FREM2: variants seen among roughly 807,000 people sequenced by gnomAD.
The protein encoded by FREM2 is FRAS1-related extracellular matrix protein 2.
FREM2 carries 119 observed loss-of-function variants against 219.9 expected under a neutral mutation model. The observed-to-expected ratio is 0.54, with a 90% CI of 0.47 to 0.63. The LOEUF (loss-of-function observed/expected upper bound fraction) is 0.63. Ranked by LOEUF, FREM2 falls within the 30% of genes least tolerant of loss-of-function variation. FREM2 has a pLI of 0.00. For missense variants in FREM2, 4,030 were observed against 3,993.6 expected, an observed-to-expected ratio of 1.01 and a Z score of -0.25; for synonymous variants, 1,562 against 1,522.8, an observed-to-expected ratio of 1.03 and a Z score of -0.60.
chr13:38,824,824 C>A (rs570328764), intron 6 of FREM2, among the ~76,000 whole-genome samples: 1 of 151,982 alleles, frequency 6.6e-6, no homozygotes, highest in African/African-American at 2.4e-5. Context: ...AATTCAGACT[C>A]CTCTCCTCCT....
chr13:38,692,568 C>T, intron 1 of FREM2, 51 bp downstream of exon 1: 2 of 1,587,040 alleles, frequency 1.3e-6, no homozygotes, highest in Non-Finnish European at 1.7e-6. Context: ...GAGAATGTGG[C>T]TTCACTAAAA....
intron 2 of FREM2, among the ~76,000 whole-genome samples, chr13:38,755,058 A>G (rs1872939967): frequency 6.6e-6 from 1 of 151,822 alleles, no homozygotes; most frequent in Admixed American, 6.6e-5. Context: ...AGGCACCATC[A>G]CACCCGGCTA....
chr13:38,794,256 T>C (rs573614421), intron 6 of FREM2, among the ~76,000 whole-genome samples: 108 of 152,224 alleles, frequency 7.1e-4, no homozygotes, highest in African/African-American at 2.6e-3. Context: ...AGATGACAAA[T>C]GATAAATAGA....
chr13:38,877,264 G>A, intron 21 of FREM2, 21 bp downstream of exon 21: 1 of 1,613,000 alleles, frequency 6.2e-7, no homozygotes, highest in South Asian at 1.1e-5. Flanking sequence ...ACAAATGAGA[G>A]GGATGCTCTG....
rs1453318915 is a variant in FREM2 at position 38,884,793 on chromosome 13, A to G, written c.*4006A>G. The G allele has an allele frequency of 2.0e-5, 3 of 152,244 alleles. No individual in the cohort carries two copies. The East Asian group carries it at 5.8e-4, about 29-fold the overall frequency. The allele number at this position is 152,244 out of a possible 1,614,324, so 9.4% of individuals were successfully genotyped here. On this transcript the variant is annotated 3_prime_UTR_variant, in exon 24 of 24. Transcript: ENST00000280481. Reference sequence around the variant, plus strand: ...CCACACATACACACACACAGACATAAAATAACCAAACATCTCATTTCTAGG... The same window carrying G: ...CCACACATACACACACACAGACATAGAATAACCAAACATCTCATTTCTAGG...
chr13:38,792,745 C>A (rs1343809090), intron 6 of FREM2, among the ~76,000 whole-genome samples: 1 of 148,352 alleles, frequency 6.7e-6, no homozygotes, highest in Admixed American at 6.8e-5. Context: ...AATATTCACT[C>A]ATTTATGCAA....
At chr13:38,740,345 TA>T (rs1872193063) in intron 2 of FREM2, among the ~76,000 whole-genome samples, 3 of 152,120 alleles carry the variant, frequency 2.0e-5, no homozygotes, top group Admixed American at 1.3e-4. Flanking sequence ...AGGGAAAAAA[TA>T]AGAAAGTGAT....
At position 38,780,363 on chromosome 13, in the gene FREM2, A is replaced by G. The variant is rs1874070381; in HGVS notation, c.5642-2707A>G. On this transcript the variant is annotated intron_variant, in intron 4 of 23. Coordinates refer to ENST00000280481, the MANE Select transcript of FREM2 (RefSeq NM_207361.6). ...CACACCTGGTCCGTCAGAAAACTCA[A>G]ATAGCTCTACCTTTATATTCCGGCA... 2.6e-5 allele frequency among the ~76,000 whole-genome samples: 4 copies of G among 152,106 alleles called. No individual in the cohort carries two copies. The South Asian group carries it at 8.3e-4, about 32-fold the overall frequency.
rs574967663 is a variant in FREM2, at chr13:38,851,830, C to T, written c.6887C>T (p.Ser2296Leu). The change falls in exon 11 of 24, where the codon TCG (serine) becomes TTG (leucine). Residue 2296 changes from serine (S) to leucine (L), a missense_variant. Around this residue, in one of 2 missense-constraint regions of FREM2, gnomAD observed 3,102 missense variants for 2,950.7 expected, o/e 1.05. Transcript: ENST00000280481. ...SIVRVHTKDG[S>L]ATSGEDYHPV... Reference sequence around the variant, plus strand: ...GTGAGAGTCCACACCAAGGATGGCTCGGCCACCTCTGGAGAAGACTACCAC... The same window carrying T: ...GTGAGAGTCCACACCAAGGATGGCTTGGCCACCTCTGGAGAAGACTACCAC... 75 of 1,613,922 alleles carry T rather than the reference C, an allele frequency of 4.6e-5. No homozygotes were observed. The highest frequency in any genetic ancestry group is 3.3e-4 in the Middle Eastern group (2 of 6,060).
intron 6 of FREM2, among the ~76,000 whole-genome samples, chr13:38,840,579 G>A (rs985095232): frequency 6.7e-6 from 1 of 149,518 alleles, no homozygotes; most frequent in Non-Finnish European, 1.5e-5. Flanking sequence ...TAGAATCACA[G>A]AGCATCAATA....
chr13:38,709,986 T>A (rs1593357381), intron 2 of FREM2, among the ~76,000 whole-genome samples: 1 of 130,328 alleles, frequency 7.7e-6, no homozygotes, highest in African/African-American at 2.8e-5. Context: ...TAACTAAAAA[T>A]ACACACACAC....
chr13:38,802,432 G>A (rs1875050763), intron 6 of FREM2, among the ~76,000 whole-genome samples: 1 of 151,868 alleles, frequency 6.6e-6, no homozygotes, highest in Non-Finnish European at 1.5e-5. Context: ...GGCCTTTGGA[G>A]GCTGGGCTTT....
chr13:38,719,345 C>G (rs1242977829), intron 2 of FREM2, among the ~76,000 whole-genome samples: 4 of 152,142 alleles, frequency 2.6e-5, no homozygotes, highest in Non-Finnish European at 5.9e-5. Context: ...CTCACCCTCC[C>G]GAGTAGCTGA....
Position 38,697,864 on chromosome 13 carries a change from A to G in FREM2, c.5263+77A>G, listed in dbSNP as rs933340621. 6.6e-5 allele frequency: 54 copies of G among 818,116 alleles called. No homozygotes were observed. In the Admixed American group the frequency reaches 9.8e-4, roughly 15 times the overall value. The allele number at this position is 818,116 out of a possible 1,614,324, so 50.7% of individuals were successfully genotyped here. A position where few individuals can be genotyped will look rare whatever the true frequency, so the allele number is the denominator to read the frequency against. Reference sequence around the variant, plus strand: ...GTTGCTCTCTGATGACATTATTACAAGAAGTCTTCATCAAGTAATATTTCA... The same window carrying G: ...GTTGCTCTCTGATGACATTATTACAGGAAGTCTTCATCAAGTAATATTTCA... On this transcript the variant is annotated intron_variant, in intron 2 of 23. Transcript: ENST00000280481.
At chr13:38,763,112 C>T (rs988618752) in intron 2 of FREM2, among the ~76,000 whole-genome samples, 1 of 152,212 alleles carries the variant, frequency 6.6e-6, no homozygotes, top group Non-Finnish European at 1.5e-5. Flanking sequence ...GCCCCTTGCA[C>T]ACATTGGCAC....
intron 2 of FREM2, among the ~76,000 whole-genome samples, chr13:38,739,338 A>G (rs755278138): frequency 9.2e-5 from 14 of 152,230 alleles, no homozygotes; most frequent in Non-Finnish European, 1.6e-4. Flanking sequence ...CACAATTTTA[A>G]TGGGACAGGG....
At chr13:38,725,956 T>G (rs1212214434) in intron 2 of FREM2, among the ~76,000 whole-genome samples, 1 of 152,136 alleles carries the variant, frequency 6.6e-6, no homozygotes, top group Non-Finnish European at 1.5e-5. Context: ...TCTGAGCCTG[T>G]TTTAAAGTGG....
intron 4 of FREM2, among the ~76,000 whole-genome samples, chr13:38,781,795 G>T (rs546098735): frequency 6.6e-6 from 1 of 152,276 alleles, no homozygotes; most frequent in Non-Finnish European, 1.5e-5. Context: ...ATGGTAAAAT[G>T]CTTCGAGGCT....
rs376233583 is a variant in FREM2 at position 38,689,403 on chromosome 13, C to T, written c.2059C>T (p.Gln687Ter). The change falls in exon 1 of 24, where the codon CAG becomes TAG. Residue 687 changes from glutamine (Q) to a stop codon, truncating the protein, a stop_gained. Transcript: ENST00000280481. LOFTEE classifies it high-confidence loss of function. ...NHDPPNQSGL[Q>*]RFVIRIHPVD... ...TGACCCTCCTAATCAGTCCGGGCTACAGCGGTTTGTGATTCGTATCCATCC... is the reference window on the plus strand; with the variant it reads ...TGACCCTCCTAATCAGTCCGGGCTATAGCGGTTTGTGATTCGTATCCATCC... The T allele has an allele frequency of 5.0e-6, 8 of 1,613,938 alleles. No homozygotes were observed. The highest frequency in any genetic ancestry group is 1.3e-5 in the African/African-American group (1 of 74,912).
Sources: gnomAD v4.1 joint callset for allele counts (sites outside exome capture counted in the v4.1 genomes callset) on GRCh38, gnomAD v4.1.1 for gene constraint, gnomAD v4.1.1 regional missense constraint, MANE v1.5 for transcripts, NCBI Gene and HGNC (gene_info 2026-07-23, HGNC 2026-07-21) for gene names.